OSBP: variants seen among roughly 807,000 people sequenced by gnomAD.
OSBP encodes oxysterol-binding protein 1.
In OSBP, 32 loss-of-function variants were observed where a neutral mutation model predicts 96.6. The observed-to-expected ratio is 0.33, with a 90% CI of 0.25 to 0.45. OSBP has a LOEUF of 0.45. OSBP is among the 20% of genes least tolerant of loss of function. The probability of loss-of-function intolerance (pLI) is 1.00; values close to 1 mark genes in which losing one functional copy is unlikely to be tolerated. For missense variants in OSBP, 653 were observed against 1,029.7 expected (o/e 0.63, Z 5.01); for synonymous variants, 369 against 389.6 (o/e 0.95, Z 0.62).
At position 59,600,496 on chromosome 11, in the gene OSBP, C is replaced by T. The variant is rs2134669100; in HGVS notation, c.1311G>A (p.Pro437=). ...IGKELSKIPM[P]VNFNEPLSML... is the part of the protein sequence containing the mutation. ...CAGCTCCAGTGTGCAAGAACCTTAC[C>T]GGCATGGGGATCTTAGAGAGTTCTT... Residue 437 remains proline (P), a splice_region_variant and synonymous_variant, in exon 7 of 14, where the codon CCG becomes CCA. Transcript: ENST00000263847. 6.2e-7 allele frequency: 1 copy of T among 1,613,596 alleles called. No homozygotes were observed. The highest frequency in any genetic ancestry group is 8.5e-7 in the Non-Finnish European group (1 of 1,179,788).
intron 1 of OSBP, among the ~76,000 whole-genome samples, chr11:59,611,440 A>C (rs991515538): frequency 6.6e-6 from 1 of 152,160 alleles, no homozygotes; most frequent in African/African-American, 2.4e-5. Context: ...ATATATACCA[A>C]ACCATCTCGC....
chr11:59,596,839 G>GT (rs1860665285), intron 7 of OSBP, among the ~76,000 whole-genome samples: 1 of 152,108 alleles, frequency 6.6e-6, no homozygotes, highest in Non-Finnish European at 1.5e-5. Flanking sequence ...CCTCCTACTG[G>GT]TATCTTGCAT....
At chr11:59,581,860 T>C (rs1860425614) in intron 9 of OSBP, among the ~76,000 whole-genome samples, 1 of 152,212 alleles carries the variant, frequency 6.6e-6, no homozygotes, top group African/African-American at 2.4e-5. Flanking sequence ...ACAAGTCAAA[T>C]GCACCCCAAC....
At chr11:59,582,882 A>C (rs1860438302) in intron 9 of OSBP, among the ~76,000 whole-genome samples, 1 of 152,234 alleles carries the variant, frequency 6.6e-6, no homozygotes. Context: ...TTTGCCTAAT[A>C]AAATGCTTGA....
intron 7 of OSBP, among the ~76,000 whole-genome samples, chr11:59,598,352 C>T (rs1860682410): frequency 6.6e-6 from 1 of 152,104 alleles, no homozygotes; most frequent in African/African-American, 2.4e-5. Context: ...GGGAGAATGC[C>T]TTCTGTATTT....
intron 9 of OSBP, among the ~76,000 whole-genome samples, chr11:59,582,486 C>T (rs535170890): frequency 2.0e-5 from 3 of 152,208 alleles, no homozygotes; most frequent in Non-Finnish European, 4.4e-5. Flanking sequence ...GTTCAGGACC[C>T]TCCCAGACCT....
chr11:59,583,640 T>G (rs1309994485), intron 9 of OSBP, among the ~76,000 whole-genome samples: 113 of 134,126 alleles, frequency 8.4e-4, no homozygotes, highest in African/African-American at 3.2e-3. Flanking sequence ...CTCTGTTTTT[T>G]TTTTTTTTTT....
rs1483389218 is a variant in OSBP at position 59,615,341 on chromosome 11, T to G, written c.324A>C (p.Arg108=). 1 of 1,607,288 alleles carries G rather than the reference T, an allele frequency of 6.2e-7. No individual in the cohort carries two copies. The highest frequency in any genetic ancestry group is 1.1e-5 in the South Asian group (1 of 90,338). ...WTNYIKGYQR[R]WFVLSNGLLS... Reference sequence around the variant, plus strand: ...GGAGCCCGTTGCTCAGCACGAACCATCGCCGCTGGTAGCCTTTGATATAAT... The same window carrying G: ...GGAGCCCGTTGCTCAGCACGAACCAGCGCCGCTGGTAGCCTTTGATATAAT... Residue 108 remains arginine (R), a synonymous_variant, in exon 1 of 14, where the codon CGA becomes CGC. Coordinates refer to ENST00000263847, the MANE Select transcript of OSBP (RefSeq NM_002556.3).
intron 9 of OSBP, 56 bp from the exon 10 acceptor site, chr11:59,581,610 G>A: frequency 1.1e-6 from 1 of 907,182 alleles, no homozygotes; most frequent in Non-Finnish European, 1.9e-6. Context: ...ATAGCACCAT[G>A]CAGCCTCAAA....
intron 9 of OSBP, among the ~76,000 whole-genome samples, chr11:59,592,776 A>T (rs923199913): frequency 6.6e-6 from 1 of 150,620 alleles, no homozygotes; most frequent in African/African-American, 2.4e-5. Context: ...ATCCAATAAG[A>T]GTTTTTGTTT....
At chr11:59,578,449 A>G (rs78267761) in intron 11 of OSBP, 119 bp from the exon 12 acceptor site, 21,085 of 931,122 alleles carry the variant, frequency 0.023, 296 homozygotes, top group Non-Finnish European at 0.028. Context: ...AACACCAGAG[A>G]GTCATCCAAA....
chr11:59,584,223 A>G (rs1416447118), intron 9 of OSBP, among the ~76,000 whole-genome samples: 1 of 152,140 alleles, frequency 6.6e-6, no homozygotes, highest in Non-Finnish European at 1.5e-5. Context: ...CTAGGATTAC[A>G]GGCACAAGCC....
At chr11:59,601,530 T>A in intron 4 of OSBP, 110 bp downstream of exon 4, 1 of 1,180,934 alleles carries the variant, frequency 8.5e-7, no homozygotes. Context: ...TGGGTTCCAA[T>A]TCCATTTCAC....
At position 59,587,489 on chromosome 11, in the gene OSBP, G is replaced by A. The variant is rs373332688; in HGVS notation, c.1679-5935C>T. ...TGCACTCCAGACTGGATGACAGTGC[G>A]AGACTCCATGTCAAAAAAAAAAAAA... On this transcript the variant is annotated intron_variant, in intron 9 of 13. Transcript: ENST00000263847. Among the ~76,000 whole-genome samples, 15 of 149,354 alleles carry A rather than the reference G, an allele frequency of 1.0e-4. 1 individual carries two copies. The highest frequency in any genetic ancestry group is 4.2e-4 in the South Asian group (2 of 4,740).
intron 9 of OSBP, among the ~76,000 whole-genome samples, chr11:59,586,266 T>C (rs1295095827): frequency 4.0e-5 from 6 of 151,468 alleles, no homozygotes; most frequent in African/African-American, 1.2e-4. Context: ...ATTAGGTGCA[T>C]TTCTATTATA....
chr11:59,606,452 T>C (rs1860782223), intron 3 of OSBP, among the ~76,000 whole-genome samples: 1 of 147,472 alleles, frequency 6.8e-6, no homozygotes, highest in South Asian at 2.1e-4. Context: ...AAAAAACACA[T>C]CTTCTCACTT....
In OSBP at chr11:59,601,917, C is replaced by A. The variant is rs533359496; in HGVS notation, c.823-79G>T. 1.3e-5 allele frequency: 17 copies of A among 1,315,958 alleles called. No individual in the cohort carries two copies. In the South Asian group the frequency reaches 1.9e-4, roughly 15 times the overall value. The allele number at this position is 1,315,958 out of a possible 1,614,324, so 81.5% of individuals were successfully genotyped here. A position where few individuals can be genotyped will look rare whatever the true frequency, so the allele number is the denominator to read the frequency against. On this transcript the variant is annotated intron_variant, in intron 3 of 13. Transcript: ENST00000263847. ...AGGCTTCTGCAAGCCCATTGAGTAA[C>A]CTTATTCTGGGAACTTTTAACTGGC...
chr11:59,611,826 T>C (rs1447448922), intron 1 of OSBP, among the ~76,000 whole-genome samples: 2 of 152,230 alleles, frequency 1.3e-5, no homozygotes, highest in South Asian at 2.1e-4. Context: ...ACAGCATTAC[T>C]TGGTGACAAC....
chr11:59,582,301 G>A (rs1439484001), intron 9 of OSBP, among the ~76,000 whole-genome samples: 2 of 152,090 alleles, frequency 1.3e-5, no homozygotes, highest in East Asian at 1.9e-4. Flanking sequence ...CTGACCTCTG[G>A]GGATGAAAGA....
Sources: gnomAD v4.1 joint callset for allele counts (sites outside exome capture counted in the v4.1 genomes callset) on GRCh38, gnomAD v4.1.1 for gene constraint, MANE v1.5 for transcripts, NCBI Gene and HGNC (gene_info 2026-07-23, HGNC 2026-07-21) for gene names.